Variants in SHISA9 observed in about 807,000 individuals in gnomAD.
SHISA9 encodes the protein protein shisa-9.
In SHISA9, 13 loss-of-function variants were observed where a neutral mutation model predicts 38.0. That is an observed-to-expected ratio of 0.34 (90% CI 0.22 to 0.54). SHISA9 has a LOEUF of 0.54. Ranked by LOEUF, SHISA9 falls within the 20% of genes least tolerant of loss-of-function variation. The pLI is 0.91. For missense variants in SHISA9, 538 were observed against 575.8 expected (o/e 0.93, Z 0.67); for synonymous variants, 275 against 242.0 (o/e 1.14, Z -1.27).
chr16:13,152,665 G>GTGCCAGGCAAGGATGGAACACCCAGTT (rs536768540), intron 2 of SHISA9, among the ~76,000 whole-genome samples: 2 of 152,122 alleles, frequency 1.3e-5, no homozygotes, highest in Admixed American at 6.5e-5. Flanking sequence ...GTCCAGTCAT[G>GTGCCAGGCAAGGATGGAACACCCAGTT]TGCCAGGCAA....
intron 2 of SHISA9, among the ~76,000 whole-genome samples, chr16:13,107,766 T>C (rs2073941360): frequency 6.6e-6 from 1 of 152,000 alleles, no homozygotes; most frequent in African/African-American, 2.4e-5. Context: ...ATGGTGAAAC[T>C]GAAGGCCAGT....
At chr16:13,229,633 C>G (rs999054008) in intron 4 of SHISA9, among the ~76,000 whole-genome samples, 1 of 152,150 alleles carries the variant, frequency 6.6e-6, no homozygotes, top group African/African-American at 2.4e-5. Context: ...TTAAAGCTCC[C>G]CCATGTGATT....
intron 2 of SHISA9, among the ~76,000 whole-genome samples, chr16:13,105,195 A>G (rs2073914679): frequency 6.6e-6 from 1 of 152,224 alleles, no homozygotes; most frequent in South Asian, 2.1e-4. Flanking sequence ...TCTTTATATT[A>G]TTAACATTTT....
intron 2 of SHISA9, among the ~76,000 whole-genome samples, chr16:13,187,910 T>C (rs1385321632): frequency 6.6e-6 from 1 of 152,146 alleles, no homozygotes; most frequent in Non-Finnish European, 1.5e-5. Flanking sequence ...AAGCCTGATA[T>C]GGGATTGTCT....
chr16:13,547,935 T>G, the SHISA9 span, among the ~76,000 whole-genome samples: 1 of 152,174 alleles, frequency 6.6e-6, no homozygotes, highest in East Asian at 1.9e-4. Context: ...AGGACAAAGC[T>G]GGTGGCATCA....
chr16:13,078,998 C>G (rs987954614), intron 2 of SHISA9, among the ~76,000 whole-genome samples: 1 of 152,202 alleles, frequency 6.6e-6, no homozygotes, highest in African/African-American at 2.4e-5. Flanking sequence ...GCCAGACAGC[C>G]TGGGTTTGAA....
At chr16:13,115,900 C>T (rs1397772436) in intron 2 of SHISA9, among the ~76,000 whole-genome samples, 3 of 152,166 alleles carry the variant, frequency 2.0e-5, no homozygotes, top group African/African-American at 4.8e-5. Flanking sequence ...AAATACCTTC[C>T]CTTCTGATGA....
At chr16:13,035,315 C>G (rs2073041805) in intron 2 of SHISA9, among the ~76,000 whole-genome samples, 2 of 152,116 alleles carry the variant, frequency 1.3e-5, no homozygotes, top group African/African-American at 2.4e-5. Flanking sequence ...AAATGACTCA[C>G]AAGGGGTCAA....
the SHISA9 span, among the ~76,000 whole-genome samples, chr16:13,446,227 G>A: frequency 6.6e-6 from 1 of 152,128 alleles, no homozygotes; most frequent in Non-Finnish European, 1.5e-5. Flanking sequence ...TTACAGGTGT[G>A]AGCCACCGTG....
intron 2 of SHISA9, among the ~76,000 whole-genome samples, chr16:13,148,609 A>G (rs966938532): frequency 1.3e-5 from 2 of 151,868 alleles, no homozygotes; most frequent in Non-Finnish European, 2.9e-5. Flanking sequence ...GTCTATATTC[A>G]TATGCATACA....
chr16:13,532,550 T>A, the SHISA9 span, among the ~76,000 whole-genome samples: 5 of 70,028 alleles, frequency 7.1e-5, no homozygotes, highest in African/African-American at 3.2e-4. Context: ...ACTATGTGCG[T>A]GTGTGTATGT....
At chr16:13,387,180 G>A in the SHISA9 span, among the ~76,000 whole-genome samples, 1 of 152,184 alleles carries the variant, frequency 6.6e-6, no homozygotes, top group Non-Finnish European at 1.5e-5. Flanking sequence ...GTTATGGGTT[G>A]AACTGTGGTA....
the SHISA9 span, among the ~76,000 whole-genome samples, chr16:13,543,402 T>G: frequency 6.6e-6 from 1 of 152,210 alleles, no homozygotes; most frequent in South Asian, 2.1e-4. Flanking sequence ...CTGCATTTAA[T>G]TCAATTCTCT....
chr16:13,469,381 G>GAAAC, the SHISA9 span, among the ~76,000 whole-genome samples: 1 of 100,392 alleles, frequency 1.0e-5, no homozygotes, highest in African/African-American at 3.8e-5. Flanking sequence ...AAGAAAGAAA[G>GAAAC]AAAGAAAGAA....
the SHISA9 span, among the ~76,000 whole-genome samples, chr16:13,292,121 TCATGGCCCC>T: frequency 6.6e-6 from 1 of 151,716 alleles, no homozygotes; most frequent in Non-Finnish European, 1.5e-5. Context: ...TGTGGAGACA[TCATGGCCCC>T]CTTGGGTCTG....
the SHISA9 span, among the ~76,000 whole-genome samples, chr16:13,312,072 A>G: frequency 6.6e-6 from 1 of 152,180 alleles, no homozygotes; most frequent in African/African-American, 2.4e-5. Context: ...AGTGTATACC[A>G]ACTTTAGGCT....
intron 2 of SHISA9, among the ~76,000 whole-genome samples, chr16:13,197,116 C>T (rs1341742579): frequency 6.7e-6 from 1 of 149,796 alleles, no homozygotes; most frequent in African/African-American, 2.5e-5. Context: ...CACACACACA[C>T]ACACACACAC....
chr16:13,338,849 A>T, the SHISA9 span, among the ~76,000 whole-genome samples: 31 of 152,200 alleles, frequency 2.0e-4, no homozygotes, highest in African/African-American at 6.5e-4. Context: ...CAAATGGCAC[A>T]ATATTTTCCT....
At chr16:13,559,061 A>G in the SHISA9 span, among the ~76,000 whole-genome samples, 46 of 152,350 alleles carry the variant, frequency 3.0e-4, no homozygotes, top group African/African-American at 1.1e-3. Flanking sequence ...GTAAGCTCCA[A>G]GAAAGCAGGT....
Sources: gnomAD v4.1 joint callset for allele counts (sites outside exome capture counted in the v4.1 genomes callset) on GRCh38, gnomAD v4.1.1 for gene constraint, MANE v1.5 for transcripts, NCBI Gene and HGNC (gene_info 2026-07-23, HGNC 2026-07-21) for gene names.